BMPR2: variants seen among roughly 807,000 people sequenced by gnomAD.
BMPR2 encodes the protein bone morphogenetic protein receptor type 2.
A neutral mutation model predicts 100.8 loss-of-function variants in BMPR2; 29 were observed. The ratio of observed to expected loss-of-function variants is 0.29; its 90% CI spans 0.21 to 0.39. BMPR2 has a LOEUF of 0.39. BMPR2 is among the 10% of genes least tolerant of loss of function. The pLI is 1.00. For missense variants in BMPR2, 1,011 were observed against 1,274.5 expected (o/e 0.79, Z 3.15); for synonymous variants, 382 against 442.3 (o/e 0.86, Z 1.71).
chr2:202,421,324 A>AG (rs1166121397), intron 1 of BMPR2, among the ~76,000 whole-genome samples: 3 of 151,720 alleles, frequency 2.0e-5, no homozygotes, highest in African/African-American at 7.3e-5. Context: ...AAAAAAAAAA[A>AG]AAAAGTTTAA....
At chr2:202,460,009 G>A (rs1212821086) in intron 1 of BMPR2, among the ~76,000 whole-genome samples, 1 of 152,062 alleles carries the variant, frequency 6.6e-6, no homozygotes, top group Non-Finnish European at 1.5e-5. Flanking sequence ...ATGAAAAAAC[G>A]GCTCAGTATC....
At chr2:202,542,679 T>C (rs1300419476) in intron 10 of BMPR2, among the ~76,000 whole-genome samples, 1 of 152,156 alleles carries the variant, frequency 6.6e-6, no homozygotes, top group Non-Finnish European at 1.5e-5. Flanking sequence ...GAATAACTAA[T>C]GTGTCATAAG....
intron 1 of BMPR2, among the ~76,000 whole-genome samples, chr2:202,452,432 T>C (rs558195701): frequency 6.6e-6 from 1 of 152,316 alleles, no homozygotes; most frequent in East Asian, 1.9e-4. Flanking sequence ...GTATGAGTTT[T>C]TGTGTGATAT....
intron 3 of BMPR2, among the ~76,000 whole-genome samples, chr2:202,510,033 A>T (rs1235906064): frequency 6.6e-6 from 1 of 152,228 alleles, no homozygotes; most frequent in African/African-American, 2.4e-5. Flanking sequence ...GTAAGAACAC[A>T]TTTAAATATT....
chr2:202,377,792 A>G (rs1221540059), intron 1 of BMPR2, among the ~76,000 whole-genome samples: 1 of 152,248 alleles, frequency 6.6e-6, no homozygotes, highest in South Asian at 2.1e-4. Flanking sequence ...TTACGGGGTG[A>G]AAAAGACATA....
rs138038901 is a variant in BMPR2, at chr2:202,555,547, A to G, written c.1882A>G (p.Thr628Ala). 5.8e-5 allele frequency: 93 copies of G among 1,614,076 alleles called. No homozygotes were observed. In the African/African-American group the frequency reaches 1.1e-3, roughly 20 times the overall value. ...ACTCACGCCAAGTACTGGCATGACT[A>G]CTATATCTGAGATGCCATACCCAGA... ...TGLTPSTGMTTISEMPYPDET... is the reference protein window; with the variant it reads ...TGLTPSTGMTAISEMPYPDET... The change falls in exon 12 of 13, where the codon ACT becomes GCT. Residue 628 changes from threonine to alanine, a missense_variant. By Grantham distance (58) the Thr-to-Ala change is moderately conservative. This residue lies in a region of BMPR2 where 508 missense variants were observed against 552.0 expected (regional missense o/e 0.92). Transcript: ENST00000374580.
intron 3 of BMPR2, among the ~76,000 whole-genome samples, chr2:202,487,023 T>C (rs968550691): frequency 1.3e-5 from 2 of 152,226 alleles, no homozygotes; most frequent in Admixed American, 1.3e-4. Context: ...AATTATGCTG[T>C]ACAAATTATA....
At chr2:202,405,683 G>A (rs1184659620) in intron 1 of BMPR2, among the ~76,000 whole-genome samples, 2 of 75,290 alleles carry the variant, frequency 2.7e-5, no homozygotes, top group African/African-American at 6.7e-5. Flanking sequence ...GCGAGACTCC[G>A]CCTCAAAAAA....
chr2:202,395,600 G>A (rs1356028162), intron 1 of BMPR2, among the ~76,000 whole-genome samples: 1 of 152,120 alleles, frequency 6.6e-6, no homozygotes, highest in Non-Finnish European at 1.5e-5. Context: ...AATAATTTGG[G>A]CAATGGATAA....
intron 1 of BMPR2, among the ~76,000 whole-genome samples, chr2:202,457,880 C>G (rs544618986): frequency 1.1e-4 from 16 of 152,158 alleles, no homozygotes; most frequent in Non-Finnish European, 2.1e-4. Context: ...CAGGCACACG[C>G]CACCACGCTC....
intron 1 of BMPR2, among the ~76,000 whole-genome samples, chr2:202,432,722 C>T (rs1341428998): frequency 6.7e-6 from 1 of 150,308 alleles, no homozygotes; most frequent in Non-Finnish European, 1.5e-5. Flanking sequence ...TAGATGTTAT[C>T]TAATATGCAA....
chr2:202,539,238 C>T (rs1688226163), intron 9 of BMPR2, among the ~76,000 whole-genome samples: 1 of 151,976 alleles, frequency 6.6e-6, no homozygotes. Context: ...AGATTGATGG[C>T]AATAGATGTA....
intron 3 of BMPR2, among the ~76,000 whole-genome samples, chr2:202,507,156 C>G (rs993964895): frequency 1.3e-5 from 2 of 151,834 alleles, no homozygotes; most frequent in Non-Finnish European, 2.9e-5. Flanking sequence ...CTCCTCCACT[C>G]ACTGCTTTAC....
chr2:202,420,468 A>T (rs1691233360), intron 1 of BMPR2, among the ~76,000 whole-genome samples: 1 of 151,852 alleles, frequency 6.6e-6, no homozygotes, highest in Admixed American at 6.6e-5. Flanking sequence ...AGGCCTGCTA[A>T]CATTACTAAA....
At chr2:202,467,197 A>C (rs1692340954) in intron 2 of BMPR2, 1 of 342,528 alleles carries the variant, frequency 2.9e-6, no homozygotes, top group Non-Finnish European at 5.6e-6. Flanking sequence ...CGGGAGGTGG[A>C]GATTGCAGTG....
intron 3 of BMPR2, among the ~76,000 whole-genome samples, chr2:202,478,757 CGAAAT>C (rs1243826691): frequency 6.6e-6 from 1 of 151,896 alleles, no homozygotes; most frequent in Non-Finnish European, 1.5e-5. Flanking sequence ...AAAAACAAAA[CGAAAT>C]GAAAGAACAA....
chr2:202,397,043 C>T (rs967500502), intron 1 of BMPR2, among the ~76,000 whole-genome samples: 6 of 152,096 alleles, frequency 3.9e-5, no homozygotes, highest in Non-Finnish European at 7.4e-5. Flanking sequence ...GTGATCCACC[C>T]GCCTCGGCCT....
intron 3 of BMPR2, among the ~76,000 whole-genome samples, chr2:202,471,936 G>GTA (rs984656901): frequency 9.9e-5 from 15 of 150,992 alleles, no homozygotes; most frequent in African/African-American, 3.1e-4. Context: ...GTGTGTGTGT[G>GTA]TGTAGAAAGA....
At chr2:202,423,154 G>T (rs573897996) in intron 1 of BMPR2, among the ~76,000 whole-genome samples, 73 of 152,278 alleles carry the variant, frequency 4.8e-4, no homozygotes, top group African/African-American at 1.5e-3. Flanking sequence ...CACCCAGAGT[G>T]CTGGGATTAC....
Sources: allele counts gnomAD v4.1 joint callset (sites outside exome capture counted in the v4.1 genomes callset), GRCh38; gene constraint gnomAD v4.1.1; regional missense constraint gnomAD v4.1.1; transcripts MANE v1.5; gene names NCBI Gene and HGNC (gene_info 2026-07-23, HGNC 2026-07-21).